FLYWCH2: variants seen among roughly 807,000 people sequenced by gnomAD.
FLYWCH2 encodes FLYWCH family member 2.
Under a neutral mutation model 6.0 loss-of-function variants are expected in FLYWCH2, and 2 were observed. The ratio of observed to expected loss-of-function variants is 0.33; its 90% CI spans 0.14 to 1.04. FLYWCH2 has a LOEUF of 1.04. Ranked by LOEUF, FLYWCH2 falls within the 50% of genes least tolerant of loss-of-function variation. The pLI is 0.45. For synonymous variants in FLYWCH2, 87 were observed against 79.3 expected (o/e 1.10, Z -0.52); for missense variants, 192 against 183.4 (o/e 1.05, Z -0.27).
At chr16:2,892,899 TGTCATATAATATATATTA>T (rs1567304975) in intron 1 of FLYWCH2, among the ~76,000 whole-genome samples, 1 of 53,572 alleles carries the variant, frequency 1.9e-5, no homozygotes, top group Non-Finnish European at 4.9e-5. Flanking sequence ...AATGTATATA[TGTCATATAATATATATTA>T]TATATGTCAT....
At chr16:2,897,049 G>T (rs2069831507) in intron 3 of FLYWCH2, among the ~76,000 whole-genome samples, 1 of 152,222 alleles carries the variant, frequency 6.6e-6, no homozygotes, top group Non-Finnish European at 1.5e-5. Flanking sequence ...TGAGGGTGCG[G>T]CGGGGCCCAC....
chr16:2,896,439 T>C lies in FLYWCH2; in HGVS notation c.-11T>C. On this transcript the variant is annotated 5_prime_UTR_variant, in exon 3 of 4. Transcript: ENST00000396958. ...TGAGTGTGGCCTGAGGGACAGGCCCTGGGTCCCGGGATGCCCCTGCCCGAG... is the reference window on the plus strand; with the variant it reads ...TGAGTGTGGCCTGAGGGACAGGCCCCGGGTCCCGGGATGCCCCTGCCCGAG... 6.2e-7 allele frequency: 1 copy of C among 1,604,862 alleles called. No individual in the cohort carries two copies. The highest frequency in any genetic ancestry group is 8.5e-7 in the Non-Finnish European group (1 of 1,175,504).
chr16:2,895,858 C>A (rs1040945991), intron 2 of FLYWCH2, among the ~76,000 whole-genome samples: 3 of 152,226 alleles, frequency 2.0e-5, no homozygotes, highest in Non-Finnish European at 2.9e-5. Flanking sequence ...ACAAAGTACA[C>A]CAGATGCTGT....
At chr16:2,889,732 A>G (rs1222423925) in intron 1 of FLYWCH2, among the ~76,000 whole-genome samples, 2 of 152,088 alleles carry the variant, frequency 1.3e-5, no homozygotes, top group East Asian at 3.8e-4. Context: ...GTCCCTATAG[A>G]TCTTCCCCAC....
intron 1 of FLYWCH2, among the ~76,000 whole-genome samples, chr16:2,884,572 A>AAAAAAAAAAAAAG (rs1361317929): frequency 4.1e-5 from 6 of 146,136 alleles, no homozygotes. Context: ...AAAAAAAAAA[A>AAAAAAAAAAAAAG]AAAAATACAA....
Position 2,899,268 on chromosome 16 carries a change from C to CTT in FLYWCH2, c.*135_*136dup, listed in dbSNP as rs76446842. On this transcript the variant is annotated 3_prime_UTR_variant, in exon 4 of 4. Coordinates refer to ENST00000396958, the MANE Select transcript of FLYWCH2 (RefSeq NM_138439.3). ...CTTTTAACATTGTGTGATTTCTTTT[C>CTT]TTTTTTTTTTTTTTTTTAGATCAAG... The CTT allele has an allele frequency of 0.22, 93,668 of 416,344 alleles. 8,543 individuals are homozygous for CTT. The highest frequency in any genetic ancestry group is 0.33 in the African/African-American group (14,542 of 43,902). 25.8% of individuals were successfully genotyped at this position (416,344 alleles called of 1,614,324 possible). A position where few individuals can be genotyped will look rare whatever the true frequency, so the allele number is the denominator to read the frequency against.
chr16:2,883,694 C>G (rs1050373994), intron 1 of FLYWCH2, among the ~76,000 whole-genome samples: 9 of 152,342 alleles, frequency 5.9e-5, no homozygotes, highest in African/African-American at 2.2e-4. Flanking sequence ...CCCACGGTTG[C>G]AGCTCGGGAG....
chr16:2,894,375 GC>G (rs1483664846), intron 1 of FLYWCH2, among the ~76,000 whole-genome samples: 1 of 152,190 alleles, frequency 6.6e-6, no homozygotes, highest in Non-Finnish European at 1.5e-5. Context: ...ATTTATTCCT[GC>G]CCGGACTGCC....
At chr16:2,894,317 C>T (rs1260372298) in intron 1 of FLYWCH2, among the ~76,000 whole-genome samples, 1 of 152,148 alleles carries the variant, frequency 6.6e-6, no homozygotes, top group Non-Finnish European at 1.5e-5. Flanking sequence ...CGGCGGGAGG[C>T]GCTAGAGGAC....
chr16:2,890,214 GTTTTTTTGTTTTTGTTTT>G (rs1255171366), intron 1 of FLYWCH2, among the ~76,000 whole-genome samples: 1 of 132,844 alleles, frequency 7.5e-6, no homozygotes, highest in Non-Finnish European at 1.6e-5. Context: ...GCGTGTGTGT[GTTTTTTTGTTTTTGTTTT>G]TTTTTTTTTG....
chr16:2,892,654 G>A (rs1202676597), intron 1 of FLYWCH2, among the ~76,000 whole-genome samples: 2 of 151,792 alleles, frequency 1.3e-5, no homozygotes, highest in African/African-American at 4.8e-5. Flanking sequence ...GACCATCCTG[G>A]CCAACATGGT....
At chr16:2,891,292 C>T (rs1470454430) in intron 1 of FLYWCH2, among the ~76,000 whole-genome samples, 1 of 152,210 alleles carries the variant, frequency 6.6e-6, no homozygotes, top group East Asian at 1.9e-4. Flanking sequence ...TTTTTCCTGA[C>T]TCAGGTCCCA....
At position 2,896,732 on chromosome 16, in the gene FLYWCH2, C is replaced by T. The variant is rs1292170759; in HGVS notation, c.283C>T (p.Pro95Ser). The T allele has an allele frequency of 1.2e-6, 2 of 1,611,944 alleles. No homozygotes were observed. The highest frequency in any genetic ancestry group is 1.1e-5 in the South Asian group (1 of 91,080). ...GGCCCAGCGGGCCATTGAGGCAGCCCCTCAGGAGCCTGAGCAGAAACGGAG... is the reference window on the plus strand; with the variant it reads ...GGCCCAGCGGGCCATTGAGGCAGCCTCTCAGGAGCCTGAGCAGAAACGGAG... ...PEAQRAIEAA[P>S]QEPEQKRSRQ... The change falls in exon 3 of 4, where the codon CCT (proline) becomes TCT (serine). Residue 95 changes from proline to serine, a missense_variant. Transcript: ENST00000396958.
intron 1 of FLYWCH2, among the ~76,000 whole-genome samples, chr16:2,886,453 C>T (rs1315046531): frequency 6.7e-6 from 1 of 150,072 alleles, no homozygotes; most frequent in African/African-American, 2.5e-5. Flanking sequence ...GGTGATCCTC[C>T]TGCCTCAGCC....
rs370206057 is a variant in FLYWCH2, at chr16:2,889,728, A to G, written c.-199-5492A>G. The stretch of plus-strand genomic sequence containing the variant: ...GTCCGAGAGGCAGTACAGAGTCCCT[A>G]TAGATCTTCCCCACCCCCAGCTTCC... On this transcript the variant is annotated intron_variant, in intron 1 of 3. Coordinates refer to ENST00000396958, the MANE Select transcript of FLYWCH2 (RefSeq NM_138439.3). Among the ~76,000 whole-genome samples, 96 of 152,256 alleles carry G rather than the reference A, an allele frequency of 6.3e-4. 3 individuals carry two copies. The South Asian group carries it at 0.013, about 21-fold the overall frequency.
At chr16:2,884,957 C>G (rs1475577835) in intron 1 of FLYWCH2, among the ~76,000 whole-genome samples, 2 of 151,994 alleles carry the variant, frequency 1.3e-5, no homozygotes, top group Admixed American at 1.3e-4. Context: ...TTCATAGACT[C>G]AATTTACCTT....
At chr16:2,883,802 G>C (rs1327592820) in intron 1 of FLYWCH2, among the ~76,000 whole-genome samples, 1 of 152,242 alleles carries the variant, frequency 6.6e-6, no homozygotes, top group African/African-American at 2.4e-5. Context: ...AGAGGAGAGA[G>C]CCGGGGAGCT....
At position 2,896,771 on chromosome 16, in the gene FLYWCH2, G is replaced by A; in HGVS notation, c.322G>A (p.Gly108Ser). The change falls in exon 3 of 4, where the codon GGC (glycine) becomes AGC (serine). Residue 108 changes from glycine to serine, a missense_variant and splice_region_variant. Physicochemically the swap from Gly to Ser is moderately conservative, Grantham distance 56. Transcript: ENST00000396958. ...PEQKRSRQDP[G>S]TDRTEDSGLA... Reference sequence around the variant, plus strand: ...GCAGAAACGGAGCAGGCAGGACCCAGGTGAGGCTCCACAGCGGCCCCCCAG... The same window carrying A: ...GCAGAAACGGAGCAGGCAGGACCCAAGTGAGGCTCCACAGCGGCCCCCCAG... 1.9e-6 allele frequency: 3 copies of A among 1,608,594 alleles called. No individual in the cohort carries two copies. The highest frequency in any genetic ancestry group is 2.5e-6 in the Non-Finnish European group (3 of 1,179,572).
chr16:2,898,012 G>A (rs946861315), intron 3 of FLYWCH2, among the ~76,000 whole-genome samples: 5 of 152,178 alleles, frequency 3.3e-5, no homozygotes, highest in Non-Finnish European at 7.3e-5. Context: ...GGGTCAGCCA[G>A]GGCACTCAGC....
Sources: allele counts gnomAD v4.1 joint callset (sites outside exome capture counted in the v4.1 genomes callset), GRCh38; gene constraint gnomAD v4.1.1; transcripts MANE v1.5; gene names NCBI Gene and HGNC (gene_info 2026-07-23, HGNC 2026-07-21).